Variants in ZMYM4 observed in about 807,000 individuals in gnomAD.
ZMYM4 encodes zinc finger MYM-type containing 4.
Under a neutral mutation model 183.2 loss-of-function variants are expected in ZMYM4, and 31 were observed. The ratio of observed to expected loss-of-function variants is 0.17; its 90% CI spans 0.13 to 0.23. The LOEUF is 0.23. ZMYM4 is among the 10% of genes least tolerant of loss of function. ZMYM4 has a pLI of 1.00. For synonymous variants in ZMYM4, 592 were observed against 631.2 expected, an observed-to-expected ratio of 0.94 and a Z score of 0.93; for missense variants, 1,273 against 1,840.3, an observed-to-expected ratio of 0.69 and a Z score of 5.64.
rs200909268 is a variant in ZMYM4 at position 35,385,512 on chromosome 1, C to G, written c.1640C>G (p.Thr547Ser). Residue 547 changes from threonine to serine, a missense_variant, in exon 10 of 30, where the codon ACC (threonine) becomes AGC (serine). Transcript: ENST00000314607. ...TCCTCAGCAGAAATGATTGAAAATA[C>G]CAATAGCTTGGGGAAGACAGAGCTT... The part of the protein sequence containing the change: ...LRSSAEMIEN[T>S]NSLGKTELFC... The G allele has an allele frequency of 6.2e-7, 1 of 1,613,344 alleles. No homozygotes were observed. The highest frequency in any genetic ancestry group is 1.3e-5 in the African/African-American group (1 of 74,886).
At chr1:35,367,114 T>C (rs1216316243) in intron 5 of ZMYM4, among the ~76,000 whole-genome samples, 5 of 151,906 alleles carry the variant, frequency 3.3e-5, no homozygotes, top group Admixed American at 6.6e-5. Flanking sequence ...AGAAGAATAA[T>C]AGGCATGCAC....
chr1:35,280,170 C>T (rs1300808825), intron 1 of ZMYM4, among the ~76,000 whole-genome samples: 4 of 148,004 alleles, frequency 2.7e-5, no homozygotes, highest in Admixed American at 2.7e-4. Context: ...CTCCCTTCCT[C>T]CCTTCCCCCC....
rs1326914896 is a variant in ZMYM4 at position 35,312,912 on chromosome 1, G to T, written c.40-12448G>T. Among the ~76,000 whole-genome samples the T allele has an allele frequency of 2.0e-5, 3 of 152,206 alleles. No homozygotes were observed. In the East Asian group the frequency reaches 5.8e-4, roughly 29 times the overall value. ...TCTTTTATTATTATTATTGTTTTTG[G>T]AGACGGAGTCTCGCTCTGTCACCCG... On this transcript the variant is annotated intron_variant, in intron 1 of 29. Coordinates refer to ENST00000314607, the MANE Select transcript of ZMYM4 (RefSeq NM_005095.3).
rs1467272836 is a variant in ZMYM4, at chr1:35,421,113, T to G, written c.*1436T>G. On this transcript the variant is annotated 3_prime_UTR_variant, in exon 30 of 30. Coordinates refer to ENST00000314607, the MANE Select transcript of ZMYM4 (RefSeq NM_005095.3). ...ATGTCAAAAAGCCTCTTAGAAATTT[T>G]AATCTTGAAAGACTTTTCAGGGTAT... The G allele has an allele frequency of 6.6e-6, 1 of 152,638 alleles. No individual in the cohort carries two copies. The highest frequency in any genetic ancestry group is 1.5e-5 in the Non-Finnish European group (1 of 68,040). The allele number at this position is 152,638 out of a possible 1,614,324, so 9.5% of individuals were successfully genotyped here. A position where few individuals can be genotyped will look rare whatever the true frequency, so the allele number is the denominator to read the frequency against.
At chr1:35,416,752 C>T (rs983837912) in intron 28 of ZMYM4, among the ~76,000 whole-genome samples, 15 of 152,050 alleles carry the variant, frequency 9.9e-5, no homozygotes, top group Non-Finnish European at 1.6e-4. Flanking sequence ...TTAATAGAGA[C>T]GGGGTTTCAC....
In ZMYM4 at chr1:35,274,139, G is replaced by A. The variant is rs572996074; in HGVS notation, c.39+5054G>A. Among the ~76,000 whole-genome samples the A allele has an allele frequency of 2.4e-3, 359 of 151,448 alleles. 1 individual carries two copies. The highest frequency in any genetic ancestry group is 8.5e-3 in the African/African-American group (352 of 41,356). ...AAATGTATTACTTAAAAACATGGCG[G>A]TACATATCATTACAATATTTGCGGT... On this transcript the variant is annotated intron_variant, in intron 1 of 29. Transcript: ENST00000314607.
intron 1 of ZMYM4, among the ~76,000 whole-genome samples, chr1:35,313,736 A>G (rs1641911939): frequency 6.6e-6 from 1 of 152,214 alleles, no homozygotes; most frequent in South Asian, 2.1e-4. Flanking sequence ...GGGAGATTGT[A>G]AAGGTTGTGT....
rs933862537 is a variant in ZMYM4, at chr1:35,370,278, GAGAA to G, written c.926-85_926-82del. The G allele has an allele frequency of 9.7e-6, 14 of 1,443,718 alleles. No homozygotes were observed. The African/African-American group carries it at 1.3e-4, about 14-fold the overall frequency. The allele number at this position is 1,443,718 out of a possible 1,614,324, so 89.4% of individuals were successfully genotyped here. A position where few individuals can be genotyped will look rare whatever the true frequency, so the allele number is the denominator to read the frequency against. On this transcript the variant is annotated intron_variant, in intron 6 of 29. Coordinates refer to ENST00000314607, the MANE Select transcript of ZMYM4 (RefSeq NM_005095.3). The stretch of plus-strand genomic sequence containing the variant: ...TTGGGTTTCAAGACTAGTTCTAGAA[GAGAA>G]AGAAAGAATGTCTACTTAAAATTCA...
chr1:35,417,217 A>G (rs1380733914), intron 28 of ZMYM4, among the ~76,000 whole-genome samples: 4 of 151,070 alleles, frequency 2.6e-5, no homozygotes, highest in African/African-American at 9.7e-5. Flanking sequence ...AGCCTGGGCA[A>G]CAGAGTGAGA....
At chr1:35,361,400 A>T (rs1459089767) in intron 4 of ZMYM4, 145 bp downstream of exon 4, 2 of 957,156 alleles carry the variant, frequency 2.1e-6, no homozygotes, top group East Asian at 5.5e-5. Context: ...TAAGGTCATC[A>T]TCGGAGACAT....
chr1:35,364,852 A>G (rs142217880), intron 5 of ZMYM4, among the ~76,000 whole-genome samples: 14 of 152,228 alleles, frequency 9.2e-5, no homozygotes, highest in African/African-American at 1.7e-4. Flanking sequence ...TTACTTTACT[A>G]TATAAACAAG....
rs1039479970 is a variant in ZMYM4, at chr1:35,421,658, C to T, written c.*1981C>T. 2.0e-5 allele frequency: 3 copies of T among 152,118 alleles called. No individual in the cohort carries two copies. The highest frequency in any genetic ancestry group is 7.2e-5 in the African/African-American group (3 of 41,410). 9.4% of individuals were successfully genotyped at this position (152,118 alleles called of 1,614,324 possible). A position where few individuals can be genotyped will look rare whatever the true frequency, so the allele number is the denominator to read the frequency against. On this transcript the variant is annotated 3_prime_UTR_variant, in exon 30 of 30. Transcript: ENST00000314607. The stretch of plus-strand genomic sequence containing the variant: ...TCAGGATTTCATTTGCATGTTAGTC[C>T]ACAGAGTTGCCCAGAACCCTAAATT...
rs768845065 is a variant in ZMYM4 at position 35,386,955 on chromosome 1, GT to G, written c.1837-44del. On this transcript the variant is annotated intron_variant, in intron 11 of 29. Coordinates refer to ENST00000314607, the MANE Select transcript of ZMYM4 (RefSeq NM_005095.3). ...ATATGTAGGCACACAATACTTCTTT[GT>G]TTTAACAAAGATTAAATTGATACTT... The G allele has an allele frequency of 7.7e-6, 12 of 1,568,586 alleles. No individual in the cohort carries two copies. The Admixed American group carries it at 1.3e-4, about 16-fold the overall frequency.
rs149675376 is a variant in ZMYM4, at chr1:35,374,323, C to T, written c.1181+3696C>T. 2.4e-3 allele frequency among the ~76,000 whole-genome samples: 370 copies of T among 151,982 alleles called. 2 individuals carry two copies. Among genetic ancestry groups the T allele is most frequent in the African/African-American group, 7.9e-3 (326 of 41,476 alleles). ...TGCTGGGATTACAGGCATGAGCCACCGTGCCCGGCACTCATCATGGGATTG... is the reference window on the plus strand; with the variant it reads ...TGCTGGGATTACAGGCATGAGCCACTGTGCCCGGCACTCATCATGGGATTG... On this transcript the variant is annotated intron_variant, in intron 7 of 29. Transcript: ENST00000314607.
At chr1:35,385,618 A>C (rs1285796868) in intron 10 of ZMYM4, 26 bp downstream of exon 10, 1 of 1,560,224 alleles carries the variant, frequency 6.4e-7, no homozygotes, top group Admixed American at 2.1e-5. Context: ...CAAACTATGA[A>C]ATGCAATGGT....
At chr1:35,349,564 A>G (rs1235887635) in intron 2 of ZMYM4, among the ~76,000 whole-genome samples, 2 of 152,160 alleles carry the variant, frequency 1.3e-5, no homozygotes, top group Non-Finnish European at 2.9e-5. Context: ...GCGGTGGCTC[A>G]TGCCTGTAAT....
At chr1:35,339,401 A>G (rs974331168) in intron 2 of ZMYM4, among the ~76,000 whole-genome samples, 9 of 151,892 alleles carry the variant, frequency 5.9e-5, no homozygotes, top group Admixed American at 5.9e-4. Context: ...CACCCAGTTG[A>G]TTTTTGTATT....
intron 2 of ZMYM4, among the ~76,000 whole-genome samples, chr1:35,330,570 G>A (rs1232189007): frequency 6.6e-6 from 1 of 152,130 alleles, no homozygotes; most frequent in African/African-American, 2.4e-5. Context: ...AAAGAAAGCT[G>A]GGAATAGTAA....
chr1:35,343,418 A>AT lies in ZMYM4; in HGVS notation c.86-15497dup, dbSNP rs747808830. On this transcript the variant is annotated intron_variant, in intron 2 of 29. Coordinates refer to ENST00000314607, the MANE Select transcript of ZMYM4 (RefSeq NM_005095.3). ...GTTGTATCAGTAACATTTATTGAAG[A>AT]TTTTTTTTTTGGATTGATTTACCTT... Among the ~76,000 whole-genome samples the AT allele has an allele frequency of 1.1e-3, 169 of 149,644 alleles. 1 individual carries two copies. The Middle Eastern group carries it at 0.041, about 36-fold the overall frequency.
Sources: gnomAD v4.1 joint callset for allele counts (sites outside exome capture counted in the v4.1 genomes callset) on GRCh38, gnomAD v4.1.1 for gene constraint, MANE v1.5 for transcripts, NCBI Gene and HGNC (gene_info 2026-07-23, HGNC 2026-07-21) for gene names.